The following ABRAXAS1 variants were observed in gnomAD, a reference collection of about 807,000 sequenced individuals.
ABRAXAS1 encodes the protein abraxas 1, BRCA1 A complex subunit.
A neutral mutation model predicts 38.4 loss-of-function variants in ABRAXAS1; 26 were observed. The ratio of observed to expected loss-of-function variants is 0.68; its 90% CI spans 0.50 to 0.94. The LOEUF (loss-of-function observed/expected upper bound fraction) is 0.94. Ranked by LOEUF, ABRAXAS1 falls within the 40% of genes least tolerant of loss-of-function variation. The probability of loss-of-function intolerance (pLI) is 0.00; values close to 1 mark genes in which losing one functional copy is unlikely to be tolerated. For synonymous variants in ABRAXAS1, 144 were observed against 165.5 expected (o/e 0.87, Z 1.00); for missense variants, 438 against 481.9 (o/e 0.91, Z 0.85).
intron 2 of ABRAXAS1, chr4:83,478,386 T>C: frequency 3.5e-6 from 2 of 564,182 alleles, no homozygotes; most frequent in Non-Finnish European, 7.1e-6. Context: ...CATCATTCTT[T>C]AAATTACATA....
chr4:83,462,846 G>T lies in ABRAXAS1; in HGVS notation c.853C>A (p.Arg285=). ...QENIFLCQAL[R]TFFPNSEFLH... is the part of the protein sequence containing the mutation. Reference sequence around the variant, plus strand: ...AATTCAGAATTTGGAAAAAAGGTCCGTAATGCCTGACAAAGAAAAATGTTC... The same window carrying T: ...AATTCAGAATTTGGAAAAAAGGTCCTTAATGCCTGACAAAGAAAAATGTTC... The change falls in exon 9 of 9, where the codon CGG becomes AGG. Residue 285 remains arginine (R), a synonymous_variant. Coordinates refer to ENST00000321945, the MANE Select transcript of ABRAXAS1 (RefSeq NM_139076.3). The T allele has an allele frequency of 1.2e-6, 2 of 1,607,414 alleles. No homozygotes were observed. Among genetic ancestry groups the T allele is most frequent in the Non-Finnish European group, 1.7e-6 (2 of 1,177,658 alleles).
intron 3 of ABRAXAS1, among the ~76,000 whole-genome samples, chr4:83,474,447 C>T (rs1040195881): frequency 6.6e-6 from 1 of 152,138 alleles, no homozygotes; most frequent in Non-Finnish European, 1.5e-5. Context: ...GCGTGGGTGT[C>T]TCACACCTGT....
chr4:83,484,076 C>T (rs1417231101), intron 1 of ABRAXAS1: 9 of 955,964 alleles, frequency 9.4e-6, no homozygotes, highest in Admixed American at 6.2e-5. Flanking sequence ...CTACGTTGTC[C>T]CCGATGGTCT....
chr4:83,474,173 AAAT>A (rs1722682504), intron 3 of ABRAXAS1, among the ~76,000 whole-genome samples: 1 of 145,330 alleles, frequency 6.9e-6, no homozygotes. Context: ...ATAAATAAAT[AAAT>A]AAATAAAATC....
At position 83,459,737 on chromosome 4, in the gene ABRAXAS1, C is replaced by A. The variant is rs1255108088; in HGVS notation, c.*2732G>T. 1 of 1,607,556 alleles carries A rather than the reference C, an allele frequency of 6.2e-7. No homozygotes were observed. The highest frequency in any genetic ancestry group is 8.5e-7 in the Non-Finnish European group (1 of 1,177,058). ...TTCCCCTCCACATAAAACTCCAAAA[C>A]AGCTTTTGTCCCAGTTTGTTTCTCC... On this transcript the variant is annotated 3_prime_UTR_variant, in exon 9 of 9. Transcript: ENST00000321945.
In ABRAXAS1 at chr4:83,467,451, T is replaced by C. The variant is rs1455873063; in HGVS notation, c.681+3A>G. The C allele has an allele frequency of 1.4e-6, 2 of 1,467,170 alleles. No individual in the cohort carries two copies. The highest frequency in any genetic ancestry group is 1.9e-6 in the Non-Finnish European group (2 of 1,049,586). The allele number at this position is 1,467,170 out of a possible 1,614,324, so 90.9% of individuals were successfully genotyped here. ...GGTTGACGTGTTTGATATGTTAACT[T>C]ACCTTTAATTCCTCTTGTAATGAAG... is the stretch of plus-strand genomic sequence containing the variant. On this transcript the variant is annotated splice_donor_region_variant and intron_variant, in intron 7 of 8. Coordinates refer to ENST00000321945, the MANE Select transcript of ABRAXAS1 (RefSeq NM_139076.3).
chr4:83,478,532 G>T, intron 2 of ABRAXAS1: 1 of 339,372 alleles, frequency 2.9e-6, no homozygotes. Context: ...CAAACCGTTG[G>T]TCTCCTAAGG....
Position 83,459,749 on chromosome 4 carries a change from C to T in ABRAXAS1, c.*2720G>A, listed in dbSNP as rs1446599780. Reference sequence around the variant, plus strand: ...TAAAACTCCAAAACAGCTTTTGTCCCAGTTTGTTTCTCCATTTACTGGATG... The same window carrying T: ...TAAAACTCCAAAACAGCTTTTGTCCTAGTTTGTTTCTCCATTTACTGGATG... On this transcript the variant is annotated 3_prime_UTR_variant, in exon 9 of 9. Coordinates refer to ENST00000321945, the MANE Select transcript of ABRAXAS1 (RefSeq NM_139076.3). 1.2e-6 allele frequency: 2 copies of T among 1,609,632 alleles called. No homozygotes were observed. The highest frequency in any genetic ancestry group is 1.7e-6 in the Non-Finnish European group (2 of 1,177,964).
In ABRAXAS1 at chr4:83,462,578, G is replaced by C. The variant is rs1323755293; in HGVS notation, c.1121C>G (p.Thr374Ser). The change falls in exon 9 of 9, where the codon ACT becomes AGT. Residue 374 changes from threonine (T) to serine (S), a missense_variant. Around this residue, in one of 3 missense-constraint regions of ABRAXAS1, gnomAD observed 184 missense variants for 181.9 expected, o/e 1.01. Transcript: ENST00000321945. ...TGCTTTATCTTGGTTACTACTACCA[G>C]TATCTGCTTTAGATCGTTTGTCTTG... ...DTQDKRSKADTGSSNQDKASK... is the reference protein window; with the variant it reads ...DTQDKRSKADSGSSNQDKASK... 2 of 1,614,068 alleles carry C rather than the reference G, an allele frequency of 1.2e-6. No individual in the cohort carries two copies. The highest frequency in any genetic ancestry group is 1.3e-5 in the African/African-American group (1 of 75,042).
intron 2 of ABRAXAS1, among the ~76,000 whole-genome samples, chr4:83,477,117 T>C (rs1204554758): frequency 1.3e-5 from 2 of 152,214 alleles, no homozygotes; most frequent in African/African-American, 4.8e-5. Flanking sequence ...TGGAATAATA[T>C]GTTGATCTTG....
chr4:83,484,908 G>T, intron 1 of ABRAXAS1, 78 bp downstream of exon 1: 1 of 1,261,118 alleles, frequency 7.9e-7, no homozygotes, highest in Non-Finnish European at 1.1e-6. Context: ...GGCGGGGACC[G>T]GAGCAACAGC....
Position 83,462,551 on chromosome 4 carries a change from G to A in ABRAXAS1, c.1148C>T (p.Ser383Phe), listed in dbSNP as rs1722159207. The change falls in exon 9 of 9, where the codon TCC becomes TTC. Residue 383 changes from serine to phenylalanine, a missense_variant. Physicochemically the swap from Ser to Phe is radical, Grantham distance 155. Coordinates refer to ENST00000321945, the MANE Select transcript of ABRAXAS1 (RefSeq NM_139076.3). ...ATCTGTTTCTGGGCTGCTCATTTTG[G>A]ATGCTTTATCTTGGTTACTACTACC... ...DTGSSNQDKA[S>F]KMSSPETDEE... The A allele has an allele frequency of 6.2e-7, 1 of 1,613,938 alleles. No homozygotes were observed. Among genetic ancestry groups the A allele is most frequent in the African/African-American group, 1.3e-5 (1 of 74,888 alleles).
At position 83,459,845 on chromosome 4, in the gene ABRAXAS1, T is replaced by C; in HGVS notation, c.*2624A>G. ...AATATAAATGTAGATACGAATTATA[T>C]CAATCTATTTCTATCATTTAAGAAA... On this transcript the variant is annotated 3_prime_UTR_variant, in exon 9 of 9. Transcript: ENST00000321945. 6.9e-7 allele frequency: 1 copy of C among 1,443,830 alleles called. No homozygotes were observed. 89.4% of individuals were successfully genotyped at this position (1,443,830 alleles called of 1,614,324 possible).
rs1722149573 is a variant in ABRAXAS1 at position 83,462,344 on chromosome 4, C to G, written c.*125G>C. ...ACTAAGAGTTATCTGTGTATTACTGCAAACAGGTGAACATAGTAAAAACAA... is the reference window on the plus strand; with the variant it reads ...ACTAAGAGTTATCTGTGTATTACTGGAAACAGGTGAACATAGTAAAAACAA... On this transcript the variant is annotated 3_prime_UTR_variant, in exon 9 of 9. Coordinates refer to ENST00000321945, the MANE Select transcript of ABRAXAS1 (RefSeq NM_139076.3). 2 of 810,934 alleles carry G rather than the reference C, an allele frequency of 2.5e-6. No homozygotes were observed. Among genetic ancestry groups the G allele is most frequent in the East Asian group, 5.0e-5 (2 of 40,376 alleles). 50.2% of individuals were successfully genotyped at this position (810,934 alleles called of 1,614,324 possible). A position where few individuals can be genotyped will look rare whatever the true frequency, so the allele number is the denominator to read the frequency against.
intron 2 of ABRAXAS1, among the ~76,000 whole-genome samples, chr4:83,481,022 C>G (rs1722983863): frequency 6.6e-6 from 1 of 151,930 alleles, no homozygotes; most frequent in Non-Finnish European, 1.5e-5. Context: ...ATCCCAGCTA[C>G]TTGGGAGGCT....
Position 83,461,240 on chromosome 4 carries a change from G to A in ABRAXAS1, c.*1229C>T, listed in dbSNP as rs1452969288. On this transcript the variant is annotated 3_prime_UTR_variant, in exon 9 of 9. Coordinates refer to ENST00000321945, the MANE Select transcript of ABRAXAS1 (RefSeq NM_139076.3). ...CTAATAAACTTATTTTACAGTAAGT[G>A]GTTGTATGATGCCAATACTGACTCA... 1.3e-6 allele frequency: 2 copies of A among 1,567,422 alleles called. No homozygotes were observed. Among genetic ancestry groups the A allele is most frequent in the Non-Finnish European group, 1.8e-6 (2 of 1,140,290 alleles).
At position 83,461,544 on chromosome 4, in the gene ABRAXAS1, G is replaced by T. The variant is rs137940592; in HGVS notation, c.*925C>A. 5 of 322,548 alleles carry T rather than the reference G, an allele frequency of 1.6e-5. No individual in the cohort carries two copies. Among genetic ancestry groups the T allele is most frequent in the African/African-American group, 8.2e-5 (4 of 48,786 alleles). The allele number at this position is 322,548 out of a possible 1,614,324, so 20.0% of individuals were successfully genotyped here. On this transcript the variant is annotated 3_prime_UTR_variant, in exon 9 of 9. Transcript: ENST00000321945. ...CTGGTTAAGATATCTTCCCTTTGTA[G>T]AAATGTTACATTGGGATGGATAGTG...
Position 83,459,977 on chromosome 4 carries a change from G to T in ABRAXAS1, c.*2492C>A, listed in dbSNP as rs985147733. The T allele has an allele frequency of 9.9e-6, 5 of 503,246 alleles. No individual in the cohort carries two copies. The highest frequency in any genetic ancestry group is 5.3e-4 in the Middle Eastern group (1 of 1,900). 31.2% of individuals were successfully genotyped at this position (503,246 alleles called of 1,614,324 possible). ...CTTAGGCCAAGAGGATTATTATTTT[G>T]CTGTCTTATGCAGAGTTAACTATAT... On this transcript the variant is annotated 3_prime_UTR_variant, in exon 9 of 9. Transcript: ENST00000321945.
chr4:83,470,245 G>T lies in ABRAXAS1; in HGVS notation c.434C>A (p.Ser145Tyr), dbSNP rs1017145408. ...TAAGGAATGTTCCAGTCGATGAGTA[G>T]AGCAGCTTTCTGTTATTATACTTGG... is the stretch of plus-strand genomic sequence containing the variant. ...LTPSIITESCSTHRLEHSLYK... is the reference protein window; with the variant it reads ...LTPSIITESCYTHRLEHSLYK... Residue 145 changes from serine (S) to tyrosine (Y), a missense_variant, in exon 5 of 9, where the codon TCT becomes TAT. By Grantham distance (144) the Ser-to-Tyr change is moderately radical. This residue lies in a region of ABRAXAS1 where 194 missense variants were observed against 269.0 expected (regional missense o/e 0.72). Transcript: ENST00000321945. 11 of 1,613,624 alleles carry T rather than the reference G, an allele frequency of 6.8e-6. No homozygotes were observed. Among genetic ancestry groups the T allele is most frequent in the Admixed American group, 3.3e-5 (2 of 59,986 alleles).
Sources: gnomAD v4.1 joint callset for allele counts (sites outside exome capture counted in the v4.1 genomes callset) on GRCh38, gnomAD v4.1.1 for gene constraint, gnomAD v4.1.1 regional missense constraint, MANE v1.5 for transcripts, NCBI Gene and HGNC (gene_info 2026-07-23, HGNC 2026-07-21) for gene names.